PPP5C: variants seen among roughly 807,000 people sequenced by gnomAD.
PPP5C encodes the protein serine/threonine-protein phosphatase 5.
A neutral mutation model predicts 66.7 loss-of-function variants in PPP5C; 21 were observed. The ratio of observed to expected loss-of-function variants is 0.31; its 90% confidence interval spans 0.22 to 0.45. PPP5C has a LOEUF of 0.45. PPP5C is among the 20% of genes least tolerant of loss of function. The pLI is 1.00. For synonymous variants in PPP5C, 246 were observed against 257.4 expected, an observed-to-expected ratio of 0.96 and a Z score of 0.43; for missense variants, 464 against 675.9, an observed-to-expected ratio of 0.69 and a Z score of 3.48.
rs1280901955 is a variant in PPP5C, at chr19:46,369,663, C to CA, written c.364-5940dup. ...AAAAAAAAGGCCAGGCATGGTGGCT[C>CA]ACGCCTGTAATCCCAGCACTTTAGG... On this transcript the variant is annotated intron_variant, in intron 2 of 12. Transcript: ENST00000012443. 1.6e-4 allele frequency among the ~76,000 whole-genome samples: 22 copies of CA among 137,472 alleles called. 1 individual carries two copies. In the South Asian group the frequency reaches 4.7e-3, roughly 30 times the overall value. 90.2% of individuals were successfully genotyped at this position (137,472 alleles called of 152,430 possible). A position where few individuals can be genotyped will look rare whatever the true frequency, so the allele number is the denominator to read the frequency against.
intron 2 of PPP5C, among the ~76,000 whole-genome samples, chr19:46,362,622 G>A (rs558256081): frequency 1.4e-4 from 21 of 151,890 alleles, no homozygotes; most frequent in South Asian, 4.2e-4. Flanking sequence ...GGAAAATTTC[G>A]TGAGACAGAC....
In PPP5C at chr19:46,376,632, G is replaced by A; in HGVS notation, c.633+58G>A. On this transcript the variant is annotated intron_variant, in intron 4 of 12. Coordinates refer to ENST00000012443, the MANE Select transcript of PPP5C (RefSeq NM_006247.4). This position sits in a 1 kb window ranked among gnomAD's most constrained non-coding sequence, Gnocchi z 5.1. ...AACCCTGGGATGGCATCACAGCACTGCCAGCCGCGGGCACTGAGCAAAACG... is the reference window on the plus strand; with the variant it reads ...AACCCTGGGATGGCATCACAGCACTACCAGCCGCGGGCACTGAGCAAAACG... The A allele has an allele frequency of 6.3e-7, 1 of 1,590,024 alleles. No homozygotes were observed. The highest frequency in any genetic ancestry group is 8.6e-7 in the Non-Finnish European group (1 of 1,167,234).
chr19:46,376,849 G>A lies in PPP5C; in HGVS notation c.633+275G>A. 2.7e-6 allele frequency: 1 copy of A among 374,064 alleles called. No individual in the cohort carries two copies. 23.2% of individuals were successfully genotyped at this position (374,064 alleles called of 1,614,324 possible). On this transcript the variant is annotated intron_variant, in intron 4 of 12. Transcript: ENST00000012443. The surrounding 1 kb of genome is among the most constrained non-coding windows in gnomAD (Gnocchi z 5.1). ...CTGGCCCAGGGTGAAAGGTGAGGAA[G>A]CAGTAGAGTCTGTTGCTTTGAGTTC...
intron 2 of PPP5C, among the ~76,000 whole-genome samples, chr19:46,361,870 T>C (rs144011916): frequency 5.8e-4 from 89 of 152,282 alleles, no homozygotes; most frequent in African/African-American, 2.0e-3. Flanking sequence ...AATAAAACCT[T>C]ATAAACAAAT....
At position 46,388,776 on chromosome 19, in the gene PPP5C, G is replaced by GT; in HGVS notation, c.1355+50dup. ...GCCCAGGGCCTCTACCAAGCCACGG[G>GT]TTTTTGTCTTGGTTTTTGTTTTGCC... is the stretch of plus-strand genomic sequence containing the variant. On this transcript the variant is annotated intron_variant, in intron 11 of 12. Transcript: ENST00000012443. This position sits in a 1 kb window ranked among gnomAD's most constrained non-coding sequence, Gnocchi z 4.9. 1 of 1,580,890 alleles carries GT rather than the reference G, an allele frequency of 6.3e-7. No individual in the cohort carries two copies. Among genetic ancestry groups the GT allele is most frequent in the Non-Finnish European group, 8.6e-7 (1 of 1,161,986 alleles).
chr19:46,387,667 A>G lies in PPP5C; in HGVS notation c.1135+214A>G, dbSNP rs1049278206. The G allele has an allele frequency of 1.0e-5, 15 of 1,491,526 alleles. No homozygotes were observed. The African/African-American group carries it at 1.8e-4, about 18-fold the overall frequency. 92.4% of individuals were successfully genotyped at this position (1,491,526 alleles called of 1,614,324 possible). A position where few individuals can be genotyped will look rare whatever the true frequency, so the allele number is the denominator to read the frequency against. On this transcript the variant is annotated intron_variant, in intron 9 of 12. Coordinates refer to ENST00000012443, the MANE Select transcript of PPP5C (RefSeq NM_006247.4). ...CGGTCGTGACCATGGTGCGGGGTGA[A>G]GGCACGGTGACCGCCGAGCACACCT...
chr19:46,362,814 G>T (rs879285002), intron 2 of PPP5C, among the ~76,000 whole-genome samples: 1 of 150,940 alleles, frequency 6.6e-6, no homozygotes, highest in Non-Finnish European at 1.5e-5. Context: ...TTGAGATGGG[G>T]TCTCACTCTG....
At position 46,386,799 on chromosome 19, in the gene PPP5C, G is replaced by C. The variant is rs1972896495; in HGVS notation, c.905-294G>C. 6.6e-6 allele frequency: 3 copies of C among 455,980 alleles called. No homozygotes were observed. The South Asian group carries it at 7.8e-5, about 12-fold the overall frequency. The allele number at this position is 455,980 out of a possible 1,614,324, so 28.2% of individuals were successfully genotyped here. A position where few individuals can be genotyped will look rare whatever the true frequency, so the allele number is the denominator to read the frequency against. On this transcript the variant is annotated intron_variant, in intron 7 of 12. Coordinates refer to ENST00000012443, the MANE Select transcript of PPP5C (RefSeq NM_006247.4). The stretch of plus-strand genomic sequence containing the variant: ...AGCTAATTTTTAAAATTGTTTTATA[G>C]AGAGGTCTCAGTATATTGCCCAGGC...
chr19:46,354,010 G>A (rs763292619), intron 2 of PPP5C, 21 bp downstream of exon 2: 7 of 1,608,330 alleles, frequency 4.4e-6, no homozygotes, highest in Middle Eastern at 2.0e-4. Flanking sequence ...GAGTGGGCCA[G>A]GCCTGGCACC....
intron 4 of PPP5C, chr19:46,381,680 T>G (rs1439671756): frequency 6.6e-6 from 1 of 152,082 alleles, no homozygotes; most frequent in Non-Finnish European, 1.5e-5. Context: ...ACCTGGGAGG[T>G]TGAGGCTGCA....
intron 2 of PPP5C, among the ~76,000 whole-genome samples, chr19:46,374,613 C>A (rs540859488): frequency 1.3e-5 from 2 of 152,320 alleles, no homozygotes; most frequent in East Asian, 3.9e-4. Context: ...GGGCTCCTTT[C>A]ACTGGGAACT....
In PPP5C at chr19:46,390,430, G is replaced by A. The variant is rs760029670; in HGVS notation, c.*84G>A. ...CTGGGCTAGGGGCAGAGCAGGCCCC[G>A]CCCCAGGGCAATGTTGGACCCCCTT... On this transcript the variant is annotated 3_prime_UTR_variant, in exon 13 of 13. Coordinates refer to ENST00000012443, the MANE Select transcript of PPP5C (RefSeq NM_006247.4). 271 of 1,541,266 alleles carry A rather than the reference G, an allele frequency of 1.8e-4. No homozygotes were observed. The highest frequency in any genetic ancestry group is 2.5e-4 in the East Asian group (10 of 40,700).
intron 2 of PPP5C, among the ~76,000 whole-genome samples, chr19:46,364,042 G>C (rs908142813): frequency 2.6e-5 from 4 of 152,138 alleles, no homozygotes; most frequent in African/African-American, 9.7e-5. Flanking sequence ...ACAGGACTTA[G>C]AGGAGCCAGT....
In PPP5C at chr19:46,353,995, C is replaced by T; in HGVS notation, c.363+6C>T. 1.2e-6 allele frequency: 2 copies of T among 1,610,604 alleles called. No individual in the cohort carries two copies. Among genetic ancestry groups the T allele is most frequent in the Non-Finnish European group, 8.5e-7 (1 of 1,179,342 alleles). On this transcript the variant is annotated splice_donor_region_variant and intron_variant, in intron 2 of 12. Transcript: ENST00000012443. ...CGCTGCGAGACTACGAGACGGTGAG[C>T]TGGGGAGTGGGCCAGGCCTGGCACC...
intron 12 of PPP5C, 43 bp from the exon 13 acceptor site, chr19:46,390,241 T>C (rs1972992735): frequency 3.1e-6 from 5 of 1,598,576 alleles, no homozygotes; most frequent in Non-Finnish European, 3.4e-6. Flanking sequence ...GCTCAGGGGC[T>C]CTGTTCTGAC....
At chr19:46,368,628 T>C (rs1425847934) in intron 2 of PPP5C, among the ~76,000 whole-genome samples, 2 of 152,222 alleles carry the variant, frequency 1.3e-5, no homozygotes, top group African/African-American at 4.8e-5. Context: ...ATGAACTGTA[T>C]AGTGGCAGAG....
chr19:46,359,396 A>G (rs1401997003), intron 2 of PPP5C, among the ~76,000 whole-genome samples: 2 of 152,350 alleles, frequency 1.3e-5, no homozygotes, highest in Admixed American at 1.3e-4. Context: ...ACAAGAATGT[A>G]TATGCCAGAA....
chr19:46,386,789 T>C, intron 7 of PPP5C: 1 of 404,452 alleles, frequency 2.5e-6, no homozygotes, highest in Admixed American at 3.5e-5. Context: ...ATTTTTAAAA[T>C]TGTTTTATAG....
chr19:46,349,231 CTGCAG>C (rs1972139838), intron 1 of PPP5C, among the ~76,000 whole-genome samples: 1 of 151,716 alleles, frequency 6.6e-6, no homozygotes, highest in Non-Finnish European at 1.5e-5. Flanking sequence ...GAGGCAGAGG[CTGCAG>C]TGAGCCAAGA....
Sources: allele counts gnomAD v4.1 joint callset (sites outside exome capture counted in the v4.1 genomes callset), GRCh38; gene constraint gnomAD v4.1.1; non-coding constraint Gnocchi (gnomAD v3.1); transcripts MANE v1.5; gene names NCBI Gene and HGNC (gene_info 2026-07-23, HGNC 2026-07-21).